CEP85L: variants seen among roughly 807,000 people sequenced by gnomAD.
CEP85L encodes the protein centrosomal protein 85L, also known as centrosomal protein of 85 kDa-like.
Under a neutral mutation model 100.3 loss-of-function variants are expected in CEP85L, and 60 were observed. The observed-to-expected ratio is 0.60, with a 90% CI of 0.49 to 0.74. The LOEUF (loss-of-function observed/expected upper bound fraction) is 0.74. Among genes scored for constraint, CEP85L ranks in the 30% least tolerant of loss-of-function variants. The probability of loss-of-function intolerance (pLI) is 0.00; values close to 1 mark genes in which losing one functional copy is unlikely to be tolerated. For missense variants in CEP85L, 973 were observed against 936.2 expected, an observed-to-expected ratio of 1.04 and a Z score of -0.51; for synonymous variants, 319 against 322.7, an observed-to-expected ratio of 0.99 and a Z score of 0.12.
intron 4 of CEP85L, among the ~76,000 whole-genome samples, chr6:118,514,434 A>T (rs984113986): frequency 1.3e-5 from 2 of 150,614 alleles, no homozygotes; most frequent in African/African-American, 4.9e-5. Context: ...CTGAGGCAGG[A>T]GAATGGCTTG....
chr6:118,674,387 G>T (rs1776414016), intron 1 of CEP85L, among the ~76,000 whole-genome samples: 1 of 152,120 alleles, frequency 6.6e-6, no homozygotes, highest in African/African-American at 2.4e-5. Context: ...AGCTGGGCAT[G>T]GTGACAGGTG....
chr6:118,694,061 G>A (rs947891718), intron 1 of CEP85L, among the ~76,000 whole-genome samples: 3 of 152,144 alleles, frequency 2.0e-5, no homozygotes, highest in Non-Finnish European at 4.4e-5. Flanking sequence ...TAAAAACAGT[G>A]ACCACTACAG....
chr6:118,538,231 T>C (rs868650201), intron 3 of CEP85L, among the ~76,000 whole-genome samples: 1 of 152,146 alleles, frequency 6.6e-6, no homozygotes, highest in African/African-American at 2.4e-5. Context: ...GTTTATATTA[T>C]AGAAGAAACT....
chr6:118,616,743 G>T (rs62422223), intron 2 of CEP85L, among the ~76,000 whole-genome samples: 5 of 151,478 alleles, frequency 3.3e-5, no homozygotes, highest in African/African-American at 1.2e-4. Context: ...TCAGGAGTTC[G>T]AGACCAGCCT....
At chr6:118,541,779 T>A (rs1164107655) in intron 3 of CEP85L, among the ~76,000 whole-genome samples, 2 of 152,208 alleles carry the variant, frequency 1.3e-5, no homozygotes, top group African/African-American at 4.8e-5. Flanking sequence ...TAACTAAAAG[T>A]GCAATTTCTT....
At chr6:118,622,039 T>C (rs1773480542) in intron 2 of CEP85L, among the ~76,000 whole-genome samples, 1 of 152,232 alleles carries the variant, frequency 6.6e-6, no homozygotes, top group Non-Finnish European at 1.5e-5. Flanking sequence ...GAATAGCTCT[T>C]GGAGTTCTAA....
intron 3 of CEP85L, among the ~76,000 whole-genome samples, chr6:118,524,400 C>T (rs1260492232): frequency 6.6e-6 from 1 of 152,116 alleles, no homozygotes; most frequent in African/African-American, 2.4e-5. Flanking sequence ...GCCGAGATCA[C>T]GCCACTGCAC....
chr6:118,641,161 A>G (rs368495694), intron 1 of CEP85L, among the ~76,000 whole-genome samples: 3 of 150,608 alleles, frequency 2.0e-5, no homozygotes, highest in South Asian at 2.1e-4. Flanking sequence ...TTCCCTCCCT[A>G]TTTAATCAAG....
At position 118,469,165 on chromosome 6, in the gene CEP85L, A is replaced by G. The variant is rs1211684165; in HGVS notation, c.2161T>C (p.Cys721Arg). ...VIDQLFKEMS[C>R]CLFDLKALCS... is the part of the protein sequence containing the mutation. ...AATGCTTTCAAGTCAAACAAACAAC[A>G]GGACATTTCCTTGAACAGCTGATCA... Residue 721 changes from cysteine to arginine, a missense_variant, in exon 12 of 13, where the codon TGT (cysteine) becomes CGT (arginine). By Grantham distance (180) the Cys-to-Arg change is radical. Around this residue, in one of 3 missense-constraint regions of CEP85L, gnomAD observed 890 missense variants for 844.5 expected, o/e 1.05. Transcript: ENST00000368491. The G allele has an allele frequency of 1.2e-6, 2 of 1,613,964 alleles. No individual in the cohort carries two copies. Among genetic ancestry groups the G allele is most frequent in the Non-Finnish European group, 1.7e-6 (2 of 1,179,950 alleles).
intron 1 of CEP85L, among the ~76,000 whole-genome samples, chr6:118,672,240 G>C (rs191811656): frequency 8.0e-4 from 122 of 152,188 alleles, no homozygotes; most frequent in African/African-American, 2.8e-3. Context: ...GTTTTGCCAC[G>C]TTGGCCAGGC....
At chr6:118,590,955 T>C (rs1284647734) in intron 2 of CEP85L, among the ~76,000 whole-genome samples, 1 of 152,112 alleles carries the variant, frequency 6.6e-6, no homozygotes, top group Non-Finnish European at 1.5e-5. Context: ...ATCACCTACA[T>C]TCACGATTGT....
At chr6:118,502,772 C>A (rs183117406) in intron 5 of CEP85L, 2 of 592,390 alleles carry the variant, frequency 3.4e-6, no homozygotes, top group Admixed American at 2.4e-5. Context: ...TCTTAAAGAA[C>A]TTGTACAACA....
chr6:118,527,855 T>C (rs73524186), intron 3 of CEP85L, among the ~76,000 whole-genome samples: 1 of 152,170 alleles, frequency 6.6e-6, no homozygotes, highest in Non-Finnish European at 1.5e-5. Flanking sequence ...CTAATAACAG[T>C]TGACATGTAC....
intron 2 of CEP85L, among the ~76,000 whole-genome samples, chr6:118,595,784 A>AT (rs1471430843): frequency 6.6e-6 from 1 of 152,174 alleles, no homozygotes; most frequent in Non-Finnish European, 1.5e-5. Context: ...TCTTTTAAGA[A>AT]TTTAAGTGCA....
chr6:118,670,998 C>T (rs17080469), intron 1 of CEP85L, among the ~76,000 whole-genome samples: 1,755 of 151,342 alleles, frequency 0.012, 44 homozygotes, highest in African/African-American at 0.04. Flanking sequence ...TATTGAGAAA[C>T]GATTCCTGTG....
intron 2 of CEP85L, among the ~76,000 whole-genome samples, chr6:118,588,680 T>C (rs1781004965): frequency 6.6e-6 from 1 of 152,230 alleles, no homozygotes; most frequent in African/African-American, 2.4e-5. Flanking sequence ...TTACATGTCT[T>C]ACATTAACTC....
At chr6:118,654,143 GTCACTCATGCCTGT>G (rs796910322), upstream of CEP85L, among the ~76,000 whole-genome samples, 10 of 152,240 alleles carry the variant, frequency 6.6e-5, no homozygotes, top group African/African-American at 2.4e-4. Flanking sequence ...GCCAGGTGCA[GTCACTCATGCCTGT>G]AATCCAGTGC....
At chr6:118,514,877 T>A (rs922020628) in intron 4 of CEP85L, among the ~76,000 whole-genome samples, 15 of 151,848 alleles carry the variant, frequency 9.9e-5, no homozygotes, top group African/African-American at 3.1e-4. Context: ...TGATTAGAGC[T>A]CACTACAGCC....
upstream of CEP85L, chr6:118,656,926 A>G (rs1185241877): frequency 1.3e-5 from 2 of 152,144 alleles, no homozygotes; most frequent in South Asian, 2.1e-4. Context: ...GAGCCCTTCT[A>G]ATCATCAGTC....
Sources: gnomAD v4.1 joint callset for allele counts (sites outside exome capture counted in the v4.1 genomes callset) on GRCh38, gnomAD v4.1.1 for gene constraint, gnomAD v4.1.1 regional missense constraint, MANE v1.5 for transcripts, NCBI Gene and HGNC (gene_info 2026-07-23, HGNC 2026-07-21) for gene names.